Variants in GRXCR1 observed in about 807,000 individuals in gnomAD.
The protein encoded by GRXCR1 is glutaredoxin and cysteine rich domain containing 1, also known as glutaredoxin domain-containing cysteine-rich protein 1.
In GRXCR1, 27 loss-of-function variants were observed where a neutral mutation model predicts 27.3. The ratio of observed to expected loss-of-function variants is 0.99; its 90% CI spans 0.73 to 1.37. The LOEUF is 1.37. GRXCR1 is among the 40% of genes most tolerant of loss of function. The pLI is 0.00. For synonymous variants in GRXCR1, 122 were observed against 131.1 expected, an observed-to-expected ratio of 0.93 and a Z score of 0.47; for missense variants, 379 against 354.4, an observed-to-expected ratio of 1.07 and a Z score of -0.56.
intron 1 of GRXCR1, among the ~76,000 whole-genome samples, chr4:42,899,762 G>T (rs1746423274): frequency 6.6e-6 from 1 of 152,138 alleles, no homozygotes; most frequent in African/African-American, 2.4e-5. Flanking sequence ...TCTAAAGTTA[G>T]TTCAATTAAT....
At chr4:42,921,493 C>G (rs1450927) in intron 1 of GRXCR1, among the ~76,000 whole-genome samples, 136,238 of 152,062 alleles carry the variant, frequency 0.9, 61,449 homozygotes, top group Non-Finnish European at 0.94. Flanking sequence ...ACTATGATGG[C>G]AGACATTGAA....
chr4:42,896,098 C>T (rs886589909), intron 1 of GRXCR1, among the ~76,000 whole-genome samples: 1 of 152,022 alleles, frequency 6.6e-6, no homozygotes, highest in Non-Finnish European at 1.5e-5. Flanking sequence ...TAACCTTAAA[C>T]GTGAAAGAAA....
At chr4:42,937,876 A>T (rs1408727460) in intron 1 of GRXCR1, among the ~76,000 whole-genome samples, 2 of 152,020 alleles carry the variant, frequency 1.3e-5, no homozygotes, top group African/African-American at 2.4e-5. Flanking sequence ...ATCAATGTAC[A>T]TGAGGTGTCC....
chr4:42,897,342 C>T (rs1306974036), intron 1 of GRXCR1, among the ~76,000 whole-genome samples: 1 of 151,996 alleles, frequency 6.6e-6, no homozygotes, highest in Non-Finnish European at 1.5e-5. Context: ...TGTGAATAAA[C>T]TGTTAGAATA....
chr4:42,899,884 G>A (rs992309700), intron 1 of GRXCR1, among the ~76,000 whole-genome samples: 1 of 152,138 alleles, frequency 6.6e-6, no homozygotes, highest in African/African-American at 2.4e-5. Context: ...GAATCTGTCT[G>A]AATTCTGGCT....
intron 1 of GRXCR1, among the ~76,000 whole-genome samples, chr4:42,949,593 A>G (rs1747832400): frequency 6.6e-6 from 1 of 152,110 alleles, no homozygotes; most frequent in South Asian, 2.1e-4. Context: ...TTTCATTTGT[A>G]AAGCTAAGAT....
At chr4:42,968,147 C>T (rs765893887) in intron 2 of GRXCR1, among the ~76,000 whole-genome samples, 21 of 152,014 alleles carry the variant, frequency 1.4e-4, no homozygotes, top group African/African-American at 3.9e-4. Context: ...CTTGGTCTTC[C>T]GACTCTCAAG....
rs78813672 is a variant in GRXCR1, at chr4:42,903,692, C to A, written c.384+10042C>A. The stretch of plus-strand genomic sequence containing the variant: ...ATTTTTCTTTTTTCCCCTAAATTTG[C>A]GCTTGCTTCAGCATTTTCCAAGGCC... On this transcript the variant is annotated intron_variant, in intron 1 of 3. Coordinates refer to ENST00000399770, the MANE Select transcript of GRXCR1 (RefSeq NM_001080476.3). Among the ~76,000 whole-genome samples the A allele has an allele frequency of 3.1e-3, 459 of 147,740 alleles. 24 individuals are homozygous for A. The highest frequency in any genetic ancestry group is 0.011 in the African/African-American group (439 of 40,722).
intron 2 of GRXCR1, among the ~76,000 whole-genome samples, chr4:43,000,971 G>A (rs544121195): frequency 6.6e-6 from 1 of 151,966 alleles, no homozygotes; most frequent in Non-Finnish European, 1.5e-5. Flanking sequence ...CTGTTGCCCA[G>A]GCTGGAGTAC....
intron 1 of GRXCR1, among the ~76,000 whole-genome samples, chr4:42,944,530 T>G (rs1381857454): frequency 6.6e-6 from 1 of 152,132 alleles, no homozygotes; most frequent in East Asian, 1.9e-4. Flanking sequence ...ATTCATTTTC[T>G]TTGATCCTCA....
Position 43,018,184 on chromosome 4 carries a change from GT to G in GRXCR1, c.628-2169del, listed in dbSNP as rs549049059. Among the ~76,000 whole-genome samples the G allele has an allele frequency of 4.4e-3, 676 of 152,270 alleles. 9 individuals are homozygous for G. The highest frequency in any genetic ancestry group is 0.014 in the African/African-American group (567 of 41,534). On this transcript the variant is annotated intron_variant, in intron 2 of 3. Coordinates refer to ENST00000399770, the MANE Select transcript of GRXCR1 (RefSeq NM_001080476.3). ...TAGGGAACAGGAGGCTTTGACTACTGTCAATGCTCAGCATGTGGCATGGGGA... is the reference window on the plus strand; with the variant it reads ...TAGGGAACAGGAGGCTTTGACTACTGCAATGCTCAGCATGTGGCATGGGGA...
At chr4:42,931,693 A>G (rs1166507344) in intron 1 of GRXCR1, among the ~76,000 whole-genome samples, 5 of 151,958 alleles carry the variant, frequency 3.3e-5, no homozygotes, top group Non-Finnish European at 7.4e-5. Flanking sequence ...CCATTAAGAT[A>G]TGTACTCCCT....
intron 1 of GRXCR1, among the ~76,000 whole-genome samples, chr4:42,910,147 A>C (rs374709879): frequency 2.1e-4 from 32 of 152,116 alleles, no homozygotes; most frequent in African/African-American, 6.8e-4. Context: ...ACTTAAAATC[A>C]TCAGATCTCA....
At chr4:43,023,971 C>T (rs1713173134) in intron 3 of GRXCR1, among the ~76,000 whole-genome samples, 1 of 152,074 alleles carries the variant, frequency 6.6e-6, no homozygotes, top group South Asian at 2.1e-4. Flanking sequence ...CCTCACAATA[C>T]AATAACCAAG....
At chr4:42,912,964 G>A (rs1040937258) in intron 1 of GRXCR1, among the ~76,000 whole-genome samples, 2 of 152,160 alleles carry the variant, frequency 1.3e-5, no homozygotes, top group African/African-American at 4.8e-5. Flanking sequence ...TATAAGTGAA[G>A]AGGGGTTTCC....
At chr4:42,934,370 T>C (rs1344774119) in intron 1 of GRXCR1, among the ~76,000 whole-genome samples, 3 of 151,320 alleles carry the variant, frequency 2.0e-5, no homozygotes, top group Non-Finnish European at 3.0e-5. Flanking sequence ...AATAAGAAAA[T>C]AGAAATTCAG....
chr4:42,998,413 G>A (rs1712244096), intron 2 of GRXCR1, among the ~76,000 whole-genome samples: 1 of 152,174 alleles, frequency 6.6e-6, no homozygotes, highest in South Asian at 2.1e-4. Flanking sequence ...ATGTAATTAA[G>A]TAGAGTATAA....
intron 2 of GRXCR1, among the ~76,000 whole-genome samples, chr4:42,964,275 C>G (rs1045197269): frequency 6.6e-6 from 1 of 152,008 alleles, no homozygotes; most frequent in African/African-American, 2.4e-5. Flanking sequence ...CTCTACTGCA[C>G]TCACAGCTTT....
Position 42,912,917 on chromosome 4 carries a change from A to T in GRXCR1, c.384+19267A>T, listed in dbSNP as rs908046453. Among the ~76,000 whole-genome samples the T allele has an allele frequency of 5.9e-5, 9 of 152,080 alleles. No homozygotes were observed. In the East Asian group the frequency reaches 1.6e-3, roughly 26 times the overall value. ...CTCTAGTGTCTCATGATAGTGAGTG[A>T]GTTATAATAAGATCTGATGGTTTTA... On this transcript the variant is annotated intron_variant, in intron 1 of 3. Transcript: ENST00000399770.
Sources: gnomAD v4.1 joint callset for allele counts (sites outside exome capture counted in the v4.1 genomes callset) on GRCh38, gnomAD v4.1.1 for gene constraint, MANE v1.5 for transcripts, NCBI Gene and HGNC (gene_info 2026-07-23, HGNC 2026-07-21) for gene names.